The following DOCK5 variants were observed in gnomAD, a reference collection of about 807,000 sequenced individuals.
DOCK5 encodes the protein dedicator of cytokinesis 5.
DOCK5 carries 142 observed loss-of-function variants against 251.8 expected under a neutral mutation model. The observed-to-expected ratio is 0.56, with a 90% CI of 0.49 to 0.65. The LOEUF is 0.65. Ranked by LOEUF, DOCK5 falls within the 30% of genes least tolerant of loss-of-function variation. DOCK5 has a pLI of 0.00. For missense variants in DOCK5, 2,111 were observed against 2,312.3 expected (o/e 0.91, Z 1.79); for synonymous variants, 842 against 835.5 (o/e 1.01, Z -0.13).
intron 13 of DOCK5, among the ~76,000 whole-genome samples, chr8:25,315,617 A>T (rs1382078071): frequency 6.6e-6 from 1 of 152,242 alleles, no homozygotes; most frequent in Non-Finnish European, 1.5e-5. Flanking sequence ...GACTGTTTCC[A>T]TGTTTCCACT....
At position 25,278,678 on chromosome 8, in the gene DOCK5, T is replaced by C. The variant is rs769902227; in HGVS notation, c.321+13T>C. ...AAAGCTCTACGTGGTGAGTTTCCCC[T>C]TGTGGCTTGGAGCCCCAGGGTCACT... On this transcript the variant is annotated intron_variant, in intron 5 of 51. Transcript: ENST00000276440. 2.5e-6 allele frequency: 4 copies of C among 1,612,866 alleles called. No homozygotes were observed. Among genetic ancestry groups the C allele is most frequent in the Non-Finnish European group, 3.4e-6 (4 of 1,179,390 alleles).
At position 25,184,915 on chromosome 8, in the gene DOCK5, C is replaced by T; in HGVS notation, c.7C>T (p.Arg3Cys). Residue 3 changes from arginine to cysteine, a missense_variant, in exon 1 of 52, where the codon CGC becomes TGC. Arg to Cys is a radical substitution (Grantham distance 180). Around this residue, in one of 3 missense-constraint regions of DOCK5, gnomAD observed 335 missense variants for 324.9 expected, o/e 1.03. Transcript: ENST00000276440. MA[R>C]WIPTKRQKYG... ...GCGGGGCGAGGTCGCCGCCATGGCC[C>T]GCTGGATCCCGACCAAGAGGCAGAA... The T allele has an allele frequency of 7.0e-7, 1 of 1,435,980 alleles. No homozygotes were observed. The highest frequency in any genetic ancestry group is 9.2e-7 in the Non-Finnish European group (1 of 1,084,890). The allele number at this position is 1,435,980 out of a possible 1,614,324, so 89.0% of individuals were successfully genotyped here. A position where few individuals can be genotyped will look rare whatever the true frequency, so the allele number is the denominator to read the frequency against.
chr8:25,305,403 C>T (rs1804891745), intron 11 of DOCK5: 1 of 150,930 alleles, frequency 6.6e-6, no homozygotes, highest in Non-Finnish European at 1.5e-5. Context: ...ATTAAACATA[C>T]AACTGTAAGA....
At chr8:25,291,454 G>A (rs746846898) in intron 5 of DOCK5, among the ~76,000 whole-genome samples, 25 of 152,018 alleles carry the variant, frequency 1.6e-4, no homozygotes, top group Non-Finnish European at 2.9e-4. Flanking sequence ...AGGCCAAGGC[G>A]GGCAGATCAC....
rs1801671277 is a variant in DOCK5, at chr8:25,413,948, T to C, written c.*2650T>C. 1.3e-5 allele frequency: 2 copies of C among 152,114 alleles called. No individual in the cohort carries two copies. The highest frequency in any genetic ancestry group is 4.8e-5 in the African/African-American group (2 of 41,398). The allele number at this position is 152,114 out of a possible 1,614,324, so 9.4% of individuals were successfully genotyped here. Reference sequence around the variant, plus strand: ...TGACTGCAAAGAAACACCTCATGATTCCATTAAATATAAAGAGATAAGGAG... The same window carrying C: ...TGACTGCAAAGAAACACCTCATGATCCCATTAAATATAAAGAGATAAGGAG... On this transcript the variant is annotated 3_prime_UTR_variant, in exon 52 of 52. Transcript: ENST00000276440.
chr8:25,185,042 G>A, intron 1 of DOCK5, 91 bp downstream of exon 1: 2 of 1,247,066 alleles, frequency 1.6e-6, no homozygotes, highest in Non-Finnish European at 2.0e-6. Flanking sequence ...GCCCGGCGGA[G>A]GACCCTGGCC....
chr8:25,275,477 T>C, intron 4 of DOCK5, 36 bp downstream of exon 4: 3 of 1,561,152 alleles, frequency 1.9e-6, no homozygotes, highest in Non-Finnish European at 2.6e-6. Context: ...CCAAAAATGA[T>C]GAAGATGTAA....
chr8:25,358,646 T>A (rs189547028), intron 27 of DOCK5, among the ~76,000 whole-genome samples: 15 of 152,338 alleles, frequency 9.8e-5, no homozygotes, highest in Non-Finnish European at 1.8e-4. Flanking sequence ...ACTACAGCTC[T>A]GTCTCAACAA....
chr8:25,311,039 G>A (rs139912418), intron 13 of DOCK5, among the ~76,000 whole-genome samples: 3 of 152,100 alleles, frequency 2.0e-5, no homozygotes, highest in African/African-American at 4.8e-5. Flanking sequence ...CTCCAAAAGC[G>A]CTCTGGCTCT....
At chr8:25,399,824 C>A (rs1218313606) in intron 45 of DOCK5, 87 bp from the exon 46 acceptor site, 1 of 987,432 alleles carries the variant, frequency 1.0e-6, no homozygotes, top group Non-Finnish European at 1.5e-6. Flanking sequence ...CTGGTTCTTC[C>A]GCACAGGACA....
intron 2 of DOCK5, among the ~76,000 whole-genome samples, chr8:25,263,534 G>C (rs948856935): frequency 1.3e-5 from 2 of 151,710 alleles, no homozygotes; most frequent in African/African-American, 4.9e-5. Context: ...ATTTTTAATA[G>C]ATTTAGCTAT....
intron 48 of DOCK5, among the ~76,000 whole-genome samples, chr8:25,407,437 C>A (rs531565790): frequency 4.6e-5 from 7 of 152,308 alleles, no homozygotes; most frequent in East Asian, 3.9e-4. Context: ...AAGCCCTTCA[C>A]TTCCTGGGAT....
Position 25,325,221 on chromosome 8 carries a change from A to C in DOCK5, c.1720-143A>C, listed in dbSNP as rs1377275140. On this transcript the variant is annotated intron_variant, in intron 17 of 51. Transcript: ENST00000276440. ...CTCAATGTTTACAGAAAGATATCAG[A>C]GTATCTCAGAGGTGGAAGGGATCTT... 3.9e-6 allele frequency: 3 copies of C among 763,038 alleles called. No homozygotes were observed. In the African/African-American group the frequency reaches 5.3e-5, roughly 13 times the overall value. 47.3% of individuals were successfully genotyped at this position (763,038 alleles called of 1,614,324 possible). A position where few individuals can be genotyped will look rare whatever the true frequency, so the allele number is the denominator to read the frequency against.
At chr8:25,331,941 G>T (rs963664912) in intron 18 of DOCK5, among the ~76,000 whole-genome samples, 3 of 151,746 alleles carry the variant, frequency 2.0e-5, no homozygotes, top group African/African-American at 7.3e-5. Flanking sequence ...AAGTAGGAAG[G>T]TTACATTAGC....
chr8:25,289,168 A>G (rs949951554), intron 5 of DOCK5, among the ~76,000 whole-genome samples: 1 of 152,060 alleles, frequency 6.6e-6, no homozygotes, highest in African/African-American at 2.4e-5. Context: ...AGTATTTTGG[A>G]TGTTTTCAGC....
At chr8:25,297,685 A>T (rs1196804379) in intron 7 of DOCK5, among the ~76,000 whole-genome samples, 2 of 152,170 alleles carry the variant, frequency 1.3e-5, no homozygotes, top group East Asian at 3.8e-4. Flanking sequence ...CACTGCACCC[A>T]GGCTAAAATA....
intron 2 of DOCK5, among the ~76,000 whole-genome samples, chr8:25,246,696 A>G (rs115237275): frequency 0.012 from 1,412 of 118,258 alleles, 35 homozygotes; most frequent in African/African-American, 0.046. Context: ...CTTCACTGCC[A>G]TGTTAGTTTG....
At chr8:25,337,233 C>T (rs536899393) in intron 22 of DOCK5, among the ~76,000 whole-genome samples, 96 of 152,156 alleles carry the variant, frequency 6.3e-4, no homozygotes, top group African/African-American at 2.1e-3. Flanking sequence ...TTGATACAGA[C>T]GCACACACAT....
intron 38 of DOCK5, 109 bp downstream of exon 38, chr8:25,377,533 G>C: frequency 7.3e-7 from 1 of 1,368,702 alleles, no homozygotes; most frequent in Non-Finnish European, 9.7e-7. Flanking sequence ...CCCAGGTTCA[G>C]GGCACTGTCT....
Sources: allele counts gnomAD v4.1 joint callset (sites outside exome capture counted in the v4.1 genomes callset), GRCh38; gene constraint gnomAD v4.1.1; regional missense constraint gnomAD v4.1.1; transcripts MANE v1.5; gene names NCBI Gene and HGNC (gene_info 2026-07-23, HGNC 2026-07-21).